The following XPO7 variants were observed in gnomAD, a reference collection of about 807,000 sequenced individuals.
XPO7 encodes exportin-7.
A neutral mutation model predicts 144.3 loss-of-function variants in XPO7; 21 were observed. The observed-to-expected ratio is 0.15, with a 90% CI of 0.10 to 0.21. XPO7 has a LOEUF of 0.21. XPO7 is among the 10% of genes least tolerant of loss of function. The pLI, the probability that XPO7 is intolerant of heterozygous loss-of-function variation, is 1.00. For missense variants in XPO7, 808 were observed against 1,325.8 expected (o/e 0.61, Z 6.06); for synonymous variants, 580 against 499.6 (o/e 1.16, Z -2.15).
intron 15 of XPO7, 170 bp from the exon 16 acceptor site, chr8:21,988,833 T>G: frequency 1.6e-6 from 1 of 611,596 alleles, no homozygotes; most frequent in Non-Finnish European, 2.8e-6. Flanking sequence ...GTCAACCAAA[T>G]GTAAGTACAG....
intron 1 of XPO7, among the ~76,000 whole-genome samples, chr8:21,952,115 G>T (rs1811393590): frequency 6.6e-6 from 1 of 152,156 alleles, no homozygotes; most frequent in Admixed American, 6.5e-5. Flanking sequence ...GCCACTTTAG[G>T]ATGTGAGGGA....
chr8:21,955,966 A>T (rs1811522931), intron 1 of XPO7, among the ~76,000 whole-genome samples: 1 of 151,776 alleles, frequency 6.6e-6, no homozygotes, highest in Non-Finnish European at 1.5e-5. Flanking sequence ...TGACCTTGTG[A>T]TCCACCCGCC....
At chr8:21,969,610 A>C (rs897314953) in intron 3 of XPO7, 34 bp downstream of exon 3, 1 of 1,577,212 alleles carries the variant, frequency 6.3e-7, no homozygotes, top group African/African-American at 1.3e-5. Context: ...GTCTTGAAGA[A>C]AATAGTTTGT....
chr8:21,968,065 G>A (rs745691734), intron 2 of XPO7, among the ~76,000 whole-genome samples: 8 of 152,056 alleles, frequency 5.3e-5, no homozygotes, highest in East Asian at 1.9e-4. Flanking sequence ...CCTATATTAC[G>A]CTCTTTCACA....
At position 21,990,380 on chromosome 8, in the gene XPO7, G is replaced by T; in HGVS notation, c.1905G>T (p.Ala635=). Residue 635 remains alanine (A), a synonymous_variant, in exon 17 of 28, where the codon GCG becomes GCT. Coordinates refer to ENST00000252512, the MANE Select transcript of XPO7 (RefSeq NM_015024.5). ...SSVRKLVKLS[A]VQFMLNNHTS... ...TAAGGAAGCTAGTGAAGCTTAGTGC[G>T]GTACAGTTCATGCTGAACAATCACA... 1 of 1,613,736 alleles carries T rather than the reference G, an allele frequency of 6.2e-7. No homozygotes were observed. The highest frequency in any genetic ancestry group is 1.1e-5 in the South Asian group (1 of 91,058).
intron 21 of XPO7, among the ~76,000 whole-genome samples, chr8:21,997,013 G>A (rs1485842113): frequency 6.6e-6 from 1 of 152,126 alleles, no homozygotes; most frequent in Non-Finnish European, 1.5e-5. Context: ...TCTCCGTGTT[G>A]GTCATGCTGG....
At chr8:21,977,934 T>TA (rs1256010647) in intron 8 of XPO7, 91 bp downstream of exon 8, 4 of 1,162,556 alleles carry the variant, frequency 3.4e-6, no homozygotes, top group Admixed American at 2.3e-5. Flanking sequence ...TTTATAAAAT[T>TA]ATACAAGTAA....
intron 1 of XPO7, among the ~76,000 whole-genome samples, chr8:21,963,204 T>C (rs192461565): frequency 6.6e-6 from 1 of 152,328 alleles, no homozygotes; most frequent in East Asian, 1.9e-4. Context: ...TCTGCTCATC[T>C]CAGATGGCTG....
intron 1 of XPO7, among the ~76,000 whole-genome samples, chr8:21,947,440 C>A (rs1368707098): frequency 6.6e-6 from 1 of 152,060 alleles, no homozygotes; most frequent in Non-Finnish European, 1.5e-5. Context: ...TTAGTAATCA[C>A]AAATATTAAC....
intron 13 of XPO7, among the ~76,000 whole-genome samples, chr8:21,986,347 T>G (rs1278168186): frequency 6.6e-6 from 1 of 152,120 alleles, no homozygotes; most frequent in Non-Finnish European, 1.5e-5. Flanking sequence ...GAGACGGGGT[T>G]TCACCATGTT....
At chr8:21,945,484 A>G (rs1176242478) in intron 1 of XPO7, among the ~76,000 whole-genome samples, 3 of 152,384 alleles carry the variant, frequency 2.0e-5, no homozygotes, top group South Asian at 2.1e-4. Flanking sequence ...GAAAAACTAC[A>G]TAGGTGTAAA....
At position 21,950,587 on chromosome 8, in the gene XPO7, A is replaced by G. The variant is rs1481573341; in HGVS notation, c.19-16270A>G. Among the ~76,000 whole-genome samples, 6 of 152,306 alleles carry G rather than the reference A, an allele frequency of 3.9e-5. No individual in the cohort carries two copies. In the South Asian group the frequency reaches 6.2e-4, roughly 16 times the overall value. ...TTCAAGTTGTCTTTATTAGCCTACA[A>G]ATAATATTATATGGACTTTCCTTAG... On this transcript the variant is annotated intron_variant, in intron 1 of 27. Coordinates refer to ENST00000252512, the MANE Select transcript of XPO7 (RefSeq NM_015024.5).
chr8:21,943,533 A>G (rs1007745244), intron 1 of XPO7, among the ~76,000 whole-genome samples: 3 of 152,250 alleles, frequency 2.0e-5, no homozygotes, highest in African/African-American at 7.2e-5. Flanking sequence ...ATTTAAGGAT[A>G]TAAAACCAGA....
chr8:22,001,499 G>A (rs1215784955), intron 24 of XPO7, among the ~76,000 whole-genome samples: 1 of 152,146 alleles, frequency 6.6e-6, no homozygotes, highest in East Asian at 1.9e-4. Flanking sequence ...TGAGTCTGCA[G>A]CTCCCCCCAG....
intron 12 of XPO7, 92 bp from the exon 13 acceptor site, chr8:21,985,494 C>A: frequency 8.4e-7 from 1 of 1,189,618 alleles, no homozygotes; most frequent in Non-Finnish European, 1.3e-6. Flanking sequence ...ATGGTTTCAC[C>A]ACAGTGTTCT....
intron 1 of XPO7, among the ~76,000 whole-genome samples, chr8:21,943,649 C>G (rs1811066346): frequency 6.6e-6 from 1 of 152,180 alleles, no homozygotes; most frequent in Non-Finnish European, 1.5e-5. Context: ...CTCCTATTTT[C>G]CCACTAGTGA....
At chr8:21,934,063 T>C (rs1810740853) in intron 1 of XPO7, among the ~76,000 whole-genome samples, 1 of 152,192 alleles carries the variant, frequency 6.6e-6, no homozygotes, top group African/African-American at 2.4e-5. Flanking sequence ...CCAGGGCAAA[T>C]ACTGTGCTAC....
At chr8:21,962,159 A>G (rs886170878) in intron 1 of XPO7, among the ~76,000 whole-genome samples, 1 of 152,230 alleles carries the variant, frequency 6.6e-6, no homozygotes, top group Non-Finnish European at 1.5e-5. Flanking sequence ...GTGTGCATTT[A>G]TAAACATTCA....
At chr8:21,964,182 A>G (rs1030678552) in intron 1 of XPO7, 4 of 152,110 alleles carry the variant, frequency 2.6e-5, no homozygotes, top group African/African-American at 7.2e-5. Context: ...ATTATAGGCA[A>G]TTTTTCAGGA....
Sources: allele counts gnomAD v4.1 joint callset (sites outside exome capture counted in the v4.1 genomes callset), GRCh38; gene constraint gnomAD v4.1.1; transcripts MANE v1.5; gene names NCBI Gene and HGNC (gene_info 2026-07-23, HGNC 2026-07-21).